The following DCDC1 variants were observed in gnomAD, a reference collection of about 807,000 sequenced individuals.
DCDC1 encodes the protein doublecortin domain containing 1, also known as doublecortin domain-containing protein 1.
In DCDC1, 200 loss-of-function variants were observed where a neutral mutation model predicts 178.3. The observed-to-expected ratio is 1.12, with a 90% confidence interval of 1.00 to 1.26. The LOEUF (loss-of-function observed/expected upper bound fraction) is 1.26, where lower values mean the gene tolerates loss of function less well. Ranked by LOEUF, DCDC1 falls within the 50% of genes most tolerant of loss-of-function variation. DCDC1 has a pLI of 0.00. For synonymous variants in DCDC1, 690 were observed against 604.8 expected (o/e 1.14, Z -2.07); for missense variants, 1,983 against 1,749.2 (o/e 1.13, Z -2.38).
intron 9 of DCDC1, among the ~76,000 whole-genome samples, chr11:31,162,071 T>A (rs1329687879): frequency 6.6e-6 from 1 of 152,180 alleles, no homozygotes. Flanking sequence ...TAATAGTTAA[T>A]CTCATGTTTT....
At chr11:30,943,556 G>T in intron 21 of DCDC1, 3 of 376,144 alleles carry the variant, frequency 8.0e-6, no homozygotes, top group South Asian at 2.0e-5. Context: ...TTCCTTCCTT[G>T]AATATGAAAA....
intron 9 of DCDC1, among the ~76,000 whole-genome samples, chr11:31,203,729 T>A (rs1004632051): frequency 6.6e-6 from 1 of 152,226 alleles, no homozygotes; most frequent in Non-Finnish European, 1.5e-5. Flanking sequence ...ATCATTTATA[T>A]ATATATTTTC....
intron 36 of DCDC1, among the ~76,000 whole-genome samples, chr11:30,888,066 G>A (rs1457093045): frequency 3.4e-4 from 31 of 91,094 alleles, no homozygotes; most frequent in African/African-American, 1.2e-3. Context: ...AAGAAAGAGA[G>A]AGAGAGAGAG....
intron 9 of DCDC1, among the ~76,000 whole-genome samples, chr11:31,228,001 A>G (rs1053872721): frequency 2.0e-5 from 3 of 152,106 alleles, no homozygotes. Context: ...ACTTCAAAAT[A>G]TATTTAGAAA....
intron 9 of DCDC1, among the ~76,000 whole-genome samples, chr11:31,172,968 T>C (rs1967448395): frequency 6.6e-6 from 1 of 152,110 alleles, no homozygotes; most frequent in Non-Finnish European, 1.5e-5. Flanking sequence ...TCCAAAGAAA[T>C]GATGCACATA....
chr11:31,067,049 T>TA (rs1956287876), intron 18 of DCDC1, among the ~76,000 whole-genome samples: 1 of 152,214 alleles, frequency 6.6e-6, no homozygotes, highest in African/African-American at 2.4e-5. Flanking sequence ...TATTTTAAGG[T>TA]AAGGGGCTCC....
chr11:31,352,551 C>A (rs1337520678), intron 1 of DCDC1, among the ~76,000 whole-genome samples: 1 of 152,064 alleles, frequency 6.6e-6, no homozygotes, highest in African/African-American at 2.4e-5. Flanking sequence ...TCAAGGCATT[C>A]CATATATTAA....
chr11:30,895,334 G>A (rs1245998069), intron 34 of DCDC1, among the ~76,000 whole-genome samples: 8 of 152,252 alleles, frequency 5.3e-5, no homozygotes, highest in African/African-American at 7.2e-5. Context: ...GGGCTGCACC[G>A]GGAAAGCACA....
intron 20 of DCDC1, among the ~76,000 whole-genome samples, chr11:30,977,459 C>T (rs911031748): frequency 9.2e-5 from 14 of 152,180 alleles, no homozygotes; most frequent in South Asian, 2.1e-4. Flanking sequence ...ACAAATATTA[C>T]GTAGCAATAA....
intron 20 of DCDC1, among the ~76,000 whole-genome samples, chr11:30,988,076 G>A (rs1950756065): frequency 6.6e-6 from 1 of 152,094 alleles, no homozygotes; most frequent in Admixed American, 6.6e-5. Context: ...GCCAAGATAA[G>A]AAGTTCAGAT....
At chr11:30,922,369 G>T in intron 24 of DCDC1, 134 bp downstream of exon 24, 2 of 1,040,672 alleles carry the variant, frequency 1.9e-6, no homozygotes, top group African/African-American at 1.7e-5. Flanking sequence ...ACATAATTTA[G>T]TTTAAAGAGT....
At chr11:30,906,365 AT>A (rs1467899380) in intron 30 of DCDC1, 174 bp downstream of exon 30, 1 of 657,208 alleles carries the variant, frequency 1.5e-6, no homozygotes, top group East Asian at 2.7e-5. Flanking sequence ...TAGACAATGC[AT>A]TTTAAATTAC....
chr11:31,325,232 A>G (rs1030410138), intron 3 of DCDC1, among the ~76,000 whole-genome samples: 24 of 152,166 alleles, frequency 1.6e-4, no homozygotes, highest in African/African-American at 5.8e-4. Context: ...TGGTGAAACT[A>G]TGCCTGGATA....
intron 21 of DCDC1, among the ~76,000 whole-genome samples, chr11:30,947,723 A>G (rs1443064576): frequency 6.6e-6 from 1 of 152,190 alleles, no homozygotes; most frequent in Admixed American, 6.6e-5. Context: ...ATGGGATCAC[A>G]TCAAGCTAAA....
intron 1 of DCDC1, among the ~76,000 whole-genome samples, chr11:31,357,555 C>T (rs919391544): frequency 7.9e-5 from 12 of 152,148 alleles, no homozygotes; most frequent in Non-Finnish European, 1.5e-4. Context: ...TCTCACCACT[C>T]CTATTCAACA....
chr11:30,913,188 G>A lies in DCDC1; in HGVS notation c.3654-1768C>T, dbSNP rs185815377. On this transcript the variant is annotated intron_variant, in intron 27 of 38. Transcript: ENST00000684477. ...TGTAATCCCAGCACTTTGGGAGGCC[G>A]AGGAGGGCGGATCACAAGGTCAGGA... Among the ~76,000 whole-genome samples, 514 of 152,238 alleles carry A rather than the reference G, an allele frequency of 3.4e-3. 4 individuals are homozygous for A. The highest frequency in any genetic ancestry group is 0.012 in the African/African-American group (491 of 41,534).
At chr11:31,326,123 T>G (rs17247682) in intron 3 of DCDC1, among the ~76,000 whole-genome samples, 46,592 of 152,008 alleles carry the variant, frequency 0.31, 8,106 homozygotes, top group Non-Finnish European at 0.38. Flanking sequence ...TGGTTTATCA[T>G]AATCAAAGTT....
At chr11:30,946,478 T>C (rs1244818040) in intron 21 of DCDC1, among the ~76,000 whole-genome samples, 2 of 152,234 alleles carry the variant, frequency 1.3e-5, no homozygotes, top group Non-Finnish European at 1.5e-5. Flanking sequence ...TAACTCTTTT[T>C]TTCTTTTAAC....
chr11:31,034,143 C>CA (rs11439632), intron 20 of DCDC1, among the ~76,000 whole-genome samples: 46,303 of 101,810 alleles, frequency 0.45, 9,535 homozygotes, highest in African/African-American at 0.59. Context: ...GGCTCTGTCT[C>CA]AAAAAAAAAA....
Sources: gnomAD v4.1 joint callset for allele counts (sites outside exome capture counted in the v4.1 genomes callset) on GRCh38, gnomAD v4.1.1 for gene constraint, MANE v1.5 for transcripts, NCBI Gene and HGNC (gene_info 2026-07-23, HGNC 2026-07-21) for gene names.